POLR3H: variants seen among roughly 807,000 people sequenced by gnomAD.
POLR3H encodes the protein DNA-directed RNA polymerase III subunit RPC8.
In POLR3H, 17 loss-of-function variants were observed where a neutral mutation model predicts 25.5. That is an observed-to-expected ratio of 0.67 (90% CI 0.46 to 1.00). The LOEUF is 1.00. POLR3H is among the 50% of genes least tolerant of loss of function. The probability of loss-of-function intolerance (pLI) is 0.00; values close to 1 mark genes in which losing one functional copy is unlikely to be tolerated. For missense variants in POLR3H, 274 were observed against 265.0 expected (o/e 1.03, Z -0.24); for synonymous variants, 129 against 103.0 (o/e 1.25, Z -1.53).
Position 41,544,260 on chromosome 22 carries a change from C to T in POLR3H, c.-159G>A, listed in dbSNP as rs528723545. On this transcript the variant is annotated 5_prime_UTR_variant, in exon 1 of 6. It removes an upstream start codon present in the reference 5' UTR. Transcript: ENST00000355209. Reference sequence around the variant, plus strand: ...GCGGTCTCGGGGGCCCGGTCCGGGCCATGCTCCGCTACTACAACATGAGGA... The same window carrying T: ...GCGGTCTCGGGGGCCCGGTCCGGGCTATGCTCCGCTACTACAACATGAGGA... The T allele has an allele frequency of 5.1e-6, 3 of 586,050 alleles. No homozygotes were observed. The highest frequency in any genetic ancestry group is 9.2e-6 in the Non-Finnish European group (3 of 326,640). The allele number at this position is 586,050 out of a possible 1,614,324, so 36.3% of individuals were successfully genotyped here.
chr22:41,528,415 C>T lies in POLR3H; in HGVS notation c.*868G>A. On this transcript the variant is annotated 3_prime_UTR_variant, in exon 6 of 6. Coordinates refer to ENST00000355209, the MANE Select transcript of POLR3H (RefSeq NM_001018050.4). ...CAGGCAGTGCCCTGTCTCCCTGACC[C>T]CCCTGCGGGGCCAAGGGCACACAGT... 6.3e-7 allele frequency: 1 copy of T among 1,583,982 alleles called. No individual in the cohort carries two copies. The highest frequency in any genetic ancestry group is 1.2e-5 in the South Asian group (1 of 86,794).
At position 41,544,419 on chromosome 22, in the gene POLR3H, A is replaced by G; in HGVS notation, c.-318T>C. ...ACCCGCGCCACGTGCCGCCGCTCGT[A>G]TCACGCACCACGCACCACGCACCGC... On this transcript the variant is annotated 5_prime_UTR_variant, in exon 1 of 6. Transcript: ENST00000355209. 4.1e-6 allele frequency: 1 copy of G among 246,256 alleles called. No homozygotes were observed. The highest frequency in any genetic ancestry group is 9.0e-5 in the South Asian group (1 of 11,056). The allele number at this position is 246,256 out of a possible 1,614,324, so 15.3% of individuals were successfully genotyped here. A position where few individuals can be genotyped will look rare whatever the true frequency, so the allele number is the denominator to read the frequency against.
In POLR3H at chr22:41,526,148, AC is replaced by A; in HGVS notation, c.*3134del. 1.1e-6 allele frequency: 1 copy of A among 881,584 alleles called. No homozygotes were observed. The highest frequency in any genetic ancestry group is 1.8e-6 in the Non-Finnish European group (1 of 568,270). The allele number at this position is 881,584 out of a possible 1,614,324, so 54.6% of individuals were successfully genotyped here. A position where few individuals can be genotyped will look rare whatever the true frequency, so the allele number is the denominator to read the frequency against. On this transcript the variant is annotated 3_prime_UTR_variant, in exon 6 of 6. Transcript: ENST00000355209. ...GTGTCTGAAGACTTGCCTGCCTCTC[AC>A]CCCTCTGTCACCCCTCCTGGGCCCC...
chr22:41,530,021 C>T (rs2066695435), intron 5 of POLR3H, among the ~76,000 whole-genome samples: 2 of 152,092 alleles, frequency 1.3e-5, no homozygotes, highest in Non-Finnish European at 2.9e-5. Flanking sequence ...TCCCAAAGTG[C>T]TGGGATTACA....
chr22:41,533,274 G>C (rs527990374), intron 2 of POLR3H, among the ~76,000 whole-genome samples: 3 of 152,188 alleles, frequency 2.0e-5, no homozygotes, highest in Non-Finnish European at 4.4e-5. Flanking sequence ...ACACCAGGTG[G>C]GGTCTGTGCC....
chr22:41,536,104 G>A (rs1324640881), intron 2 of POLR3H, among the ~76,000 whole-genome samples: 1 of 147,250 alleles, frequency 6.8e-6, no homozygotes, highest in African/African-American at 2.5e-5. Context: ...AAAAAGTTCT[G>A]GAGGTGGGCC....
chr22:41,529,940 A>G (rs1027204689), intron 5 of POLR3H, among the ~76,000 whole-genome samples: 4 of 151,826 alleles, frequency 2.6e-5, no homozygotes, highest in Non-Finnish European at 5.9e-5. Context: ...TATTTTTAGT[A>G]GAGATGGGGT....
Position 41,527,281 on chromosome 22 carries a change from C to T in POLR3H, c.*2002G>A. ...GCCTTATAACCTTACCCCCGCTTGC[C>T]TGACAGAAACATGGCATCAGGTGGG... On this transcript the variant is annotated 3_prime_UTR_variant, in exon 6 of 6. Transcript: ENST00000355209. 1 of 1,614,200 alleles carries T rather than the reference C, an allele frequency of 6.2e-7. No individual in the cohort carries two copies. The highest frequency in any genetic ancestry group is 1.1e-5 in the South Asian group (1 of 91,086).
Position 41,527,563 on chromosome 22 carries a change from G to A in POLR3H, c.*1720C>T, listed in dbSNP as rs763508818. On this transcript the variant is annotated 3_prime_UTR_variant, in exon 6 of 6. Transcript: ENST00000355209. ...CCCGTCAGCCTCTTGCCCCTTCTTA[G>A]GCTCACACAGTGCACATCCGACGCT... 3.4e-6 allele frequency: 4 copies of A among 1,187,960 alleles called. No individual in the cohort carries two copies. Among genetic ancestry groups the A allele is most frequent in the African/African-American group, 1.5e-5 (1 of 65,222 alleles). 73.6% of individuals were successfully genotyped at this position (1,187,960 alleles called of 1,614,324 possible).
At chr22:41,540,844 A>C (rs2066917763) in intron 1 of POLR3H, 49 bp from the exon 2 acceptor site, 1 of 1,424,950 alleles carries the variant, frequency 7.0e-7, no homozygotes, top group African/African-American at 1.4e-5. Context: ...ATACAGAGTG[A>C]CCACAGGCCC....
intron 2 of POLR3H, 72 bp from the exon 3 acceptor site, chr22:41,532,817 C>G (rs2066767077): frequency 1.1e-5 from 17 of 1,522,662 alleles, no homozygotes; most frequent in African/African-American, 8.2e-5. Flanking sequence ...CCTCAGGTGC[C>G]AGCACACCTG....
chr22:41,532,084 T>G lies in POLR3H; in HGVS notation c.359+10A>C. 6.2e-7 allele frequency: 1 copy of G among 1,613,490 alleles called. No homozygotes were observed. Among genetic ancestry groups the G allele is most frequent in the East Asian group, 2.2e-5 (1 of 44,860 alleles). On this transcript the variant is annotated intron_variant, in intron 4 of 5. Transcript: ENST00000355209. ...CCCTGTGACAAACCACTTTAACCCT[T>G]GGAGGATACAACTTGGCTGGCTGCT...
At chr22:41,531,575 T>C (rs1285105341) in intron 4 of POLR3H, among the ~76,000 whole-genome samples, 1 of 152,086 alleles carries the variant, frequency 6.6e-6, no homozygotes, top group Non-Finnish European at 1.5e-5. Context: ...CATGTCAGAG[T>C]CCTTCCCAGT....
intron 5 of POLR3H, 21 bp downstream of exon 5, chr22:41,530,666 A>G (rs765012742): frequency 1.2e-6 from 2 of 1,601,272 alleles, no homozygotes; most frequent in Non-Finnish European, 8.5e-7. Context: ...TGGGGGCTTC[A>G]GCACCATCAG....
At position 41,527,667 on chromosome 22, in the gene POLR3H, G is replaced by A. The variant is rs1460495201; in HGVS notation, c.*1616C>T. The A allele has an allele frequency of 2.5e-6, 2 of 789,900 alleles. No individual in the cohort carries two copies. The highest frequency in any genetic ancestry group is 2.0e-6 in the Non-Finnish European group (1 of 509,392). 48.9% of individuals were successfully genotyped at this position (789,900 alleles called of 1,614,324 possible). On this transcript the variant is annotated 3_prime_UTR_variant, in exon 6 of 6. Coordinates refer to ENST00000355209, the MANE Select transcript of POLR3H (RefSeq NM_001018050.4). ...TGAGATCTAGGACATGTGCCAGGGG[G>A]TTCTTTCTGATCATGAATGTGCAGC... is the stretch of plus-strand genomic sequence containing the variant.
Position 41,528,419 on chromosome 22 carries a change from T to G in POLR3H, c.*864A>C. Reference sequence around the variant, plus strand: ...CAGTGCCCTGTCTCCCTGACCCCCCTGCGGGGCCAAGGGCACACAGTACCC... The same window carrying G: ...CAGTGCCCTGTCTCCCTGACCCCCCGGCGGGGCCAAGGGCACACAGTACCC... On this transcript the variant is annotated 3_prime_UTR_variant, in exon 6 of 6. Transcript: ENST00000355209. The G allele has an allele frequency of 3.8e-6, 6 of 1,586,982 alleles. No homozygotes were observed. Among genetic ancestry groups the G allele is most frequent in the Non-Finnish European group, 5.1e-6 (6 of 1,167,608 alleles).
In POLR3H at chr22:41,528,046, G is replaced by A; in HGVS notation, c.*1237C>T. ...AGGTTAGGGGCCCGGGTCCCCCTGA[G>A]GTGGTGGGGTGAGGGGCAGCCACCT... is the stretch of plus-strand genomic sequence containing the variant. On this transcript the variant is annotated 3_prime_UTR_variant, in exon 6 of 6. Coordinates refer to ENST00000355209, the MANE Select transcript of POLR3H (RefSeq NM_001018050.4). The A allele has an allele frequency of 6.2e-7, 1 of 1,613,894 alleles. No homozygotes were observed. The highest frequency in any genetic ancestry group is 1.1e-5 in the South Asian group (1 of 91,070).
chr22:41,526,578 C>T lies in POLR3H; in HGVS notation c.*2705G>A, dbSNP rs1009985355. 16 of 1,106,794 alleles carry T rather than the reference C, an allele frequency of 1.4e-5. No homozygotes were observed. Among genetic ancestry groups the T allele is most frequent in the Non-Finnish European group, 1.9e-5 (15 of 796,392 alleles). 68.6% of individuals were successfully genotyped at this position (1,106,794 alleles called of 1,614,324 possible). Reference sequence around the variant, plus strand: ...GGCCGACCAAGCCCAAAGGGGACTGCTGTGGAAGGGAGGAGAGGCCTGCAG... The same window carrying T: ...GGCCGACCAAGCCCAAAGGGGACTGTTGTGGAAGGGAGGAGAGGCCTGCAG... On this transcript the variant is annotated 3_prime_UTR_variant, in exon 6 of 6. Coordinates refer to ENST00000355209, the MANE Select transcript of POLR3H (RefSeq NM_001018050.4).
rs1346906961 is a variant in POLR3H, at chr22:41,528,253, GCACTCAGGGGACAGCC to G, written c.*1014_*1029del. The stretch of plus-strand genomic sequence containing the variant: ...ACCTCCCTTTACTCACCAGGACCTG[GCACTCAGGGGACAGCC>G]CACCCACTGCAGGACCCTCTGGGCC... On this transcript the variant is annotated 3_prime_UTR_variant, in exon 6 of 6. Coordinates refer to ENST00000355209, the MANE Select transcript of POLR3H (RefSeq NM_001018050.4). 1.2e-6 allele frequency: 1 copy of G among 829,456 alleles called. No homozygotes were observed. The highest frequency in any genetic ancestry group is 1.8e-6 in the Non-Finnish European group (1 of 545,016). 51.4% of individuals were successfully genotyped at this position (829,456 alleles called of 1,614,324 possible).
Sources: allele counts gnomAD v4.1 joint callset (sites outside exome capture counted in the v4.1 genomes callset), GRCh38; gene constraint gnomAD v4.1.1; transcripts MANE v1.5; gene names NCBI Gene and HGNC (gene_info 2026-07-23, HGNC 2026-07-21).